CDC14B: variants seen among roughly 807,000 people sequenced by gnomAD.
CDC14B encodes the protein cell division cycle 14B, also known as dual specificity protein phosphatase CDC14B.
A neutral mutation model predicts 64.2 loss-of-function variants in CDC14B; 22 were observed. The ratio of observed to expected loss-of-function variants is 0.34; its 90% CI spans 0.24 to 0.49. The LOEUF (loss-of-function observed/expected upper bound fraction) is 0.49, where lower values mean the gene tolerates loss of function less well. Ranked by LOEUF, CDC14B falls within the 20% of genes least tolerant of loss-of-function variation. CDC14B has a pLI of 0.99. For missense variants in CDC14B, 498 were observed against 629.9 expected (o/e 0.79, Z 2.24); for synonymous variants, 191 against 215.8 (o/e 0.89, Z 1.01).
intron 1 of CDC14B, among the ~76,000 whole-genome samples, chr9:96,575,665 C>T (rs775672334): frequency 4.5e-4 from 69 of 152,188 alleles, no homozygotes; most frequent in Middle Eastern, 3.4e-3. Context: ...CAAAAAAAAT[C>T]ACCTGTTAAA....
At chr9:96,602,920 C>A (rs903367313) in intron 1 of CDC14B, among the ~76,000 whole-genome samples, 3 of 151,978 alleles carry the variant, frequency 2.0e-5, no homozygotes, top group Non-Finnish European at 4.4e-5. Context: ...AGCCTTAGCA[C>A]TGAAGAGACA....
chr9:96,600,055 T>G (rs1031072887), intron 1 of CDC14B, among the ~76,000 whole-genome samples: 1 of 151,982 alleles, frequency 6.6e-6, no homozygotes, highest in African/African-American at 2.4e-5. Flanking sequence ...AACTTTTCTA[T>G]AAATCCAATT....
At chr9:96,567,640 T>C (rs566599732) in intron 1 of CDC14B, among the ~76,000 whole-genome samples, 115 of 152,312 alleles carry the variant, frequency 7.6e-4, no homozygotes, top group Non-Finnish European at 1.5e-3. Flanking sequence ...TTTAAAATTA[T>C]TGTAGAGATA....
chr9:96,501,211 G>A lies in CDC14B; in HGVS notation c.*2542C>T, dbSNP rs1416709711. 2.6e-5 allele frequency: 4 copies of A among 152,226 alleles called. No individual in the cohort carries two copies. The highest frequency in any genetic ancestry group is 9.6e-5 in the African/African-American group (4 of 41,454). The allele number at this position is 152,226 out of a possible 1,614,324, so 9.4% of individuals were successfully genotyped here. A position where few individuals can be genotyped will look rare whatever the true frequency, so the allele number is the denominator to read the frequency against. Reference sequence around the variant, plus strand: ...GACGCTCTTCCTCCGGACTGTCCCTGACTTTTGATAATTTTGAGTCCCCAG... The same window carrying A: ...GACGCTCTTCCTCCGGACTGTCCCTAACTTTTGATAATTTTGAGTCCCCAG... On this transcript the variant is annotated 3_prime_UTR_variant, in exon 14 of 14. Transcript: ENST00000375241.
Position 96,502,800 on chromosome 9 carries a change from C to T in CDC14B, c.*953G>A, listed in dbSNP as rs972059993. ...CACGTCAATGGCCTTAGGTGGATCTCATAAGGGAAAAAAAAAATCCAATGT... is the reference window on the plus strand; with the variant it reads ...CACGTCAATGGCCTTAGGTGGATCTTATAAGGGAAAAAAAAAATCCAATGT... On this transcript the variant is annotated 3_prime_UTR_variant, in exon 14 of 14. Coordinates refer to ENST00000375241, the MANE Select transcript of CDC14B (RefSeq NM_033331.4). The T allele has an allele frequency of 1.8e-5, 7 of 394,138 alleles. No homozygotes were observed. The highest frequency in any genetic ancestry group is 2.2e-5 in the Non-Finnish European group (5 of 224,756). The allele number at this position is 394,138 out of a possible 1,614,324, so 24.4% of individuals were successfully genotyped here. A position where few individuals can be genotyped will look rare whatever the true frequency, so the allele number is the denominator to read the frequency against.
At chr9:96,545,391 C>T (rs1840660240) in intron 5 of CDC14B, among the ~76,000 whole-genome samples, 1 of 148,590 alleles carries the variant, frequency 6.7e-6, no homozygotes, top group Admixed American at 6.8e-5. Context: ...GATCTTGGCT[C>T]ACTGTAAGCT....
intron 6 of CDC14B, 22 bp downstream of exon 6, chr9:96,541,804 G>T (rs201243499): frequency 6.4e-7 from 1 of 1,558,474 alleles, no homozygotes; most frequent in Non-Finnish European, 8.8e-7. Context: ...ACAACACTGG[G>T]TGCATCCTAC....
chr9:96,539,016 T>C (rs1839674527), intron 7 of CDC14B, 62 bp downstream of exon 7: 2 of 1,021,270 alleles, frequency 2.0e-6, no homozygotes, highest in Admixed American at 3.7e-5. Context: ...TTGTCAATTA[T>C]TCCCCTCAAT....
intron 1 of CDC14B, among the ~76,000 whole-genome samples, chr9:96,570,554 T>TC (rs1844406957): frequency 6.6e-6 from 1 of 152,156 alleles, no homozygotes; most frequent in Non-Finnish European, 1.5e-5. Flanking sequence ...GAACAGATTG[T>TC]CCCTCAGAGA....
At chr9:96,505,049 T>C (rs1016793529) in intron 13 of CDC14B, among the ~76,000 whole-genome samples, 2 of 152,072 alleles carry the variant, frequency 1.3e-5, no homozygotes, top group African/African-American at 4.8e-5. Context: ...GGCGTGGTGA[T>C]GCACGCCTGT....
intron 1 of CDC14B, among the ~76,000 whole-genome samples, chr9:96,566,403 G>A (rs533089250): frequency 6.8e-6 from 1 of 146,440 alleles, no homozygotes; most frequent in Admixed American, 6.9e-5. Context: ...TGCAATTACT[G>A]CGTTTATTTC....
chr9:96,529,204 A>G (rs1435751486), intron 9 of CDC14B, among the ~76,000 whole-genome samples: 1 of 152,144 alleles, frequency 6.6e-6, no homozygotes, highest in East Asian at 1.9e-4. Flanking sequence ...TAAGAGTTTT[A>G]TAGTTTTAAG....
At chr9:96,573,327 T>C (rs1438703027) in intron 1 of CDC14B, among the ~76,000 whole-genome samples, 1 of 151,722 alleles carries the variant, frequency 6.6e-6, no homozygotes, top group Non-Finnish European at 1.5e-5. Flanking sequence ...ACAAAAAAAA[T>C]ACAGATGAGA....
intron 4 of CDC14B, among the ~76,000 whole-genome samples, chr9:96,552,111 T>C (rs1311497273): frequency 6.6e-6 from 1 of 152,216 alleles, no homozygotes; most frequent in South Asian, 2.1e-4. Context: ...CAGCAACCTT[T>C]TGTGGTAAGA....
intron 1 of CDC14B, chr9:96,618,711 C>T (rs1292993974): frequency 4.7e-6 from 2 of 428,614 alleles, no homozygotes; most frequent in Non-Finnish European, 4.6e-6. Context: ...ACGCGGCGCC[C>T]AGGGTCCCAA....
chr9:96,587,821 C>T (rs778308558), intron 1 of CDC14B, among the ~76,000 whole-genome samples: 33 of 152,066 alleles, frequency 2.2e-4, no homozygotes, highest in Non-Finnish European at 4.7e-4. Context: ...CGAAGGAGCA[C>T]ATATATCAAC....
rs183371132 is a variant in CDC14B, at chr9:96,587,190, A to C, written c.161-21707T>G. On this transcript the variant is annotated intron_variant, in intron 1 of 13. Transcript: ENST00000375241. ...TCTGTCTCGAAAACAAAAACAACAA[A>C]AAAAAAGAGAAAACAGTGACTAGGC... Among the ~76,000 whole-genome samples the C allele has an allele frequency of 8.6e-3, 1,308 of 152,152 alleles. 8 individuals are homozygous for C. Among genetic ancestry groups the C allele is most frequent in the Middle Eastern group, 0.058 (17 of 294 alleles).
At chr9:96,511,742 T>C (rs1834934566) in intron 12 of CDC14B, among the ~76,000 whole-genome samples, 1 of 152,206 alleles carries the variant, frequency 6.6e-6, no homozygotes, top group Non-Finnish European at 1.5e-5. Flanking sequence ...TCAGCCAATG[T>C]TTGGTTCAGA....
chr9:96,524,615 G>A (rs143880998), intron 9 of CDC14B, among the ~76,000 whole-genome samples: 4 of 152,250 alleles, frequency 2.6e-5, no homozygotes, highest in African/African-American at 9.6e-5. Flanking sequence ...TAACATTTAA[G>A]TTGGTGAGCT....
Sources: allele counts gnomAD v4.1 joint callset (sites outside exome capture counted in the v4.1 genomes callset), GRCh38; gene constraint gnomAD v4.1.1; transcripts MANE v1.5; gene names NCBI Gene and HGNC (gene_info 2026-07-23, HGNC 2026-07-21).